Variants in COMMD5 observed in about 807,000 individuals in gnomAD.
COMMD5 encodes the protein COMM domain containing 5, also known as COMM domain-containing protein 5.
A neutral mutation model predicts 6.9 loss-of-function variants in COMMD5; 10 were observed. That is an observed-to-expected ratio of 1.44 (90% confidence interval 0.89 to 2.45). COMMD5 has a LOEUF of 2.45. Among genes scored for constraint, COMMD5 ranks in the 30% most tolerant of loss-of-function variants. COMMD5 has a pLI of 0.00. For synonymous variants in COMMD5, 127 were observed against 125.3 expected (o/e 1.01, Z -0.09); for missense variants, 234 against 287.8 (o/e 0.81, Z 1.35).
Position 144,851,408 on chromosome 8 carries a change from GGAGGA to G in COMMD5, c.-57-18_-57-14del. ...CAGATGCAGATGCCTAGAGTGGGGTGGAGGAGAGAAGACCAGTGACTCTCACATCC... is the reference window on the plus strand; with the variant it reads ...CAGATGCAGATGCCTAGAGTGGGGTGGAGAAGACCAGTGACTCTCACATCC... On this transcript the variant is annotated splice_polypyrimidine_tract_variant and intron_variant, in intron 1 of 1. Coordinates refer to ENST00000305103, the MANE Select transcript of COMMD5 (RefSeq NM_014066.4). The G allele has an allele frequency of 2.0e-6, 3 of 1,519,994 alleles. No individual in the cohort carries two copies. In the South Asian group the frequency reaches 3.7e-5, roughly 19 times the overall value. 94.2% of individuals were successfully genotyped at this position (1,519,994 alleles called of 1,614,324 possible).
chr8:144,841,842 T>C (rs1563841493), intron 1 of COMMD5: 12 of 1,614,018 alleles, frequency 7.4e-6, no homozygotes, highest in Admixed American at 1.7e-5. Flanking sequence ...ATAACTGCCA[T>C]GGAGAGAAGC....
chr8:144,843,380 G>A, intron 1 of COMMD5: 1 of 525,224 alleles, frequency 1.9e-6, no homozygotes, highest in Non-Finnish European at 3.2e-6. Flanking sequence ...ACGAGGTCAG[G>A]AGGTTGAGAC....
At chr8:144,843,243 T>C in intron 1 of COMMD5, 5 of 1,449,698 alleles carry the variant, frequency 3.4e-6, no homozygotes, top group Non-Finnish European at 4.6e-6. Flanking sequence ...TGGAATCGTT[T>C]ATACTGACAA....
intron 1 of COMMD5, chr8:144,841,777 A>T: frequency 6.2e-7 from 1 of 1,614,196 alleles, no homozygotes; most frequent in Non-Finnish European, 8.5e-7. Flanking sequence ...GAAAATTAGC[A>T]GATGTCAAGA....
rs529572978 is a variant in COMMD5, at chr8:144,851,377, C to T, written c.-39G>A. ...TCTTTGATCAGCCAGCCCAGGAGGT[C>T]GGTCCCAGATGCAGATGCCTAGAGT... On this transcript the variant is annotated 5_prime_UTR_variant, in exon 2 of 2. Transcript: ENST00000305103. 95 of 1,572,636 alleles carry T rather than the reference C, an allele frequency of 6.0e-5. No homozygotes were observed. The highest frequency in any genetic ancestry group is 5.9e-4 in the South Asian group (50 of 84,416).
Position 144,851,179 on chromosome 8 carries a change from A to G in COMMD5, c.160T>C (p.Phe54Leu), listed in dbSNP as rs1042458773. The change falls in exon 2 of 2, where the codon TTT (phenylalanine) becomes CTT (leucine). Residue 54 changes from phenylalanine to leucine, a missense_variant. Phe to Leu is a conservative substitution (Grantham distance 22). Transcript: ENST00000305103. ...DRSTFRKLLK[F>L]VVSSLQGEDC... ...TCCCCCTGCAGGCTGCTGACCACAAACTTCAGCAACTTTCTGAACGTGCTC... is the reference window on the plus strand; with the variant it reads ...TCCCCCTGCAGGCTGCTGACCACAAGCTTCAGCAACTTTCTGAACGTGCTC... 7 of 1,613,486 alleles carry G rather than the reference A, an allele frequency of 4.3e-6. No individual in the cohort carries two copies. In the African/African-American group the frequency reaches 5.3e-5, roughly 12 times the overall value.
rs1231079722 is a variant in COMMD5, at chr8:144,850,457, T to G, written c.*207A>C. On this transcript the variant is annotated 3_prime_UTR_variant, in exon 2 of 2. Transcript: ENST00000305103. This position sits in a 1 kb window ranked among gnomAD's most constrained non-coding sequence, Gnocchi z 4.0. ...TCCAACACTCACCTATAGAAACATGTTTTTAGCTGCTTTACTTCCAAAAAG... is the reference window on the plus strand; with the variant it reads ...TCCAACACTCACCTATAGAAACATGGTTTTAGCTGCTTTACTTCCAAAAAG... 2 of 607,870 alleles carry G rather than the reference T, an allele frequency of 3.3e-6. No homozygotes were observed. Among genetic ancestry groups the G allele is most frequent in the Non-Finnish European group, 2.8e-6 (1 of 356,700 alleles). 37.7% of individuals were successfully genotyped at this position (607,870 alleles called of 1,614,324 possible). A position where few individuals can be genotyped will look rare whatever the true frequency, so the allele number is the denominator to read the frequency against.
chr8:144,842,450 A>C (rs748104153), intron 1 of COMMD5: 1 of 1,614,126 alleles, frequency 6.2e-7, no homozygotes, highest in Non-Finnish European at 8.5e-7. Context: ...AAGTGTACAA[A>C]AGCCTTTGGT....
At chr8:144,845,173 C>A (rs559582066), downstream of COMMD5, among the ~76,000 whole-genome samples, 8 of 152,300 alleles carry the variant, frequency 5.3e-5, no homozygotes, top group African/African-American at 1.7e-4. Context: ...AGATTTCATT[C>A]TTTGTAGAAG....
intron 1 of COMMD5, 143 bp from the exon 2 acceptor site, chr8:144,851,538 C>T: frequency 1.6e-6 from 1 of 643,640 alleles, no homozygotes; most frequent in South Asian, 2.2e-5. Context: ...GCCCTGGAAG[C>T]AGGTGGCAGA....
chr8:144,850,636 A>G lies in COMMD5; in HGVS notation c.*28T>C. 1 of 1,594,266 alleles carries G rather than the reference A, an allele frequency of 6.3e-7. No homozygotes were observed. The highest frequency in any genetic ancestry group is 8.6e-7 in the Non-Finnish European group (1 of 1,166,628). ...CATCTCAGGTGCCTGTCCAAGCCGG[A>G]TCTGAATGGGACTGGTCAAGTGAGG... On this transcript the variant is annotated 3_prime_UTR_variant, in exon 2 of 2. Coordinates refer to ENST00000305103, the MANE Select transcript of COMMD5 (RefSeq NM_014066.4). The surrounding 1 kb of genome is among the most constrained non-coding windows in gnomAD (Gnocchi z 4.0).
At chr8:144,851,459 T>C (rs916280380) in intron 1 of COMMD5, 64 bp from the exon 2 acceptor site, 36 of 1,078,450 alleles carry the variant, frequency 3.3e-5, no homozygotes, top group East Asian at 4.9e-5. Flanking sequence ...CGAGTGAGGG[T>C]TGATATGGTC....
chr8:144,840,417 T>C (rs1829729889), downstream of COMMD5, among the ~76,000 whole-genome samples: 1 of 152,184 alleles, frequency 6.6e-6, no homozygotes, highest in Admixed American at 6.5e-5. Flanking sequence ...TGTGCATTCA[T>C]GTGGGGTAGA....
At chr8:144,841,981 A>G (rs1486478556) in intron 1 of COMMD5, 2 of 1,614,168 alleles carry the variant, frequency 1.2e-6, no homozygotes, top group Non-Finnish European at 1.7e-6. Context: ...CCTGAGCTCA[A>G]AACTTATTCA....
chr8:144,843,360 C>A, intron 1 of COMMD5: 1 of 604,536 alleles, frequency 1.7e-6, no homozygotes, highest in Non-Finnish European at 2.7e-6. Flanking sequence ...GAGGCCAAGG[C>A]GGGCACATCA....
At chr8:144,849,434 T>C (rs1345816546), downstream of COMMD5, among the ~76,000 whole-genome samples, 1 of 151,898 alleles carries the variant, frequency 6.6e-6, no homozygotes, top group Non-Finnish European at 1.5e-5. Flanking sequence ...GAACTGCCCA[T>C]GGAGGGATGA....
At chr8:144,841,991 A>C in intron 1 of COMMD5, 1 of 1,614,198 alleles carries the variant, frequency 6.2e-7, no homozygotes, top group Non-Finnish European at 8.5e-7. Context: ...AAACTTATTC[A>C]GCATCAAAGA....
chr8:144,851,003 C>G lies in COMMD5; in HGVS notation c.336G>C (p.Gln112His). 1 of 1,612,486 alleles carries G rather than the reference C, an allele frequency of 6.2e-7. No individual in the cohort carries two copies. Among genetic ancestry groups the G allele is most frequent in the Non-Finnish European group, 8.5e-7 (1 of 1,179,744 alleles). Reference sequence around the variant, plus strand: ...CTTGGGGGATGCAGAGCTCCTGGAGCTGGTCCCTGAAGGTGTCAGGCTTCA... The same window carrying G: ...CTTGGGGGATGCAGAGCTCCTGGAGGTGGTCCCTGAAGGTGTCAGGCTTCA... ...TSLKPDTFRD[Q>H]LQELCIPQDL... The change falls in exon 2 of 2, where the codon CAG becomes CAC. Residue 112 changes from glutamine (Q) to histidine (H), a missense_variant. Gln to His is a conservative substitution (Grantham distance 24, BLOSUM62 0). Coordinates refer to ENST00000305103, the MANE Select transcript of COMMD5 (RefSeq NM_014066.4).
At chr8:144,838,961 A>T (rs1829464459), downstream of COMMD5, 2 of 146,846 alleles carry the variant, frequency 1.4e-5, no homozygotes, top group Admixed American at 6.7e-5. Context: ...AAAAAAAAAA[A>T]AGCAGGGGCT....
Sources: gnomAD v4.1 joint callset for allele counts (sites outside exome capture counted in the v4.1 genomes callset) on GRCh38, gnomAD v4.1.1 for gene constraint, Gnocchi (gnomAD v3.1) non-coding constraint, MANE v1.5 for transcripts, NCBI Gene and HGNC (gene_info 2026-07-23, HGNC 2026-07-21) for gene names.